TYW1: variants seen among roughly 807,000 people sequenced by gnomAD.
The protein encoded by TYW1 is tRNA-yW synthesizing protein 1 homolog, also known as S-adenosyl-L-methionine-dependent tRNA 4-demethylwyosine synthase TYW1.
A neutral mutation model predicts 96.2 loss-of-function variants in TYW1; 46 were observed. That is an observed-to-expected ratio of 0.48 (90% CI 0.38 to 0.61). TYW1 has a LOEUF of 0.61. TYW1 is among the 20% of genes least tolerant of loss of function. The pLI, the probability that TYW1 is intolerant of heterozygous loss-of-function variation, is 0.00. For synonymous variants in TYW1, 274 were observed against 323.0 expected (o/e 0.85, Z 1.63); for missense variants, 684 against 909.6 (o/e 0.75, Z 3.19).
intron 10 of TYW1, among the ~76,000 whole-genome samples, chr7:67,071,921 C>T (rs1255768740): frequency 4.6e-5 from 7 of 151,618 alleles, no homozygotes; most frequent in African/African-American, 1.7e-4. Flanking sequence ...CATACCCGGC[C>T]TGGAACACTC....
intron 10 of TYW1, among the ~76,000 whole-genome samples, chr7:67,074,212 A>G (rs796369944): frequency 3.3e-5 from 5 of 152,314 alleles, no homozygotes; most frequent in African/African-American, 9.6e-5. Context: ...TGTAGACTGA[A>G]GTATTGGGAT....
chr7:67,043,316 CT>C (rs930836217), intron 7 of TYW1, among the ~76,000 whole-genome samples: 5 of 148,344 alleles, frequency 3.4e-5, no homozygotes, highest in African/African-American at 1.2e-4. Flanking sequence ...TTTATTTTCT[CT>C]TTCTCTTATG....
chr7:67,166,544 T>G (rs1010312267), intron 13 of TYW1, among the ~76,000 whole-genome samples: 2 of 79,924 alleles, frequency 2.5e-5, no homozygotes, highest in Non-Finnish European at 2.6e-5. Context: ...GCCCCTCCCC[T>G]CTCTAAAAAT....
At chr7:67,065,982 C>G (rs1388198049) in intron 9 of TYW1, among the ~76,000 whole-genome samples, 1 of 148,800 alleles carries the variant, frequency 6.7e-6, no homozygotes, top group Non-Finnish European at 1.5e-5. Context: ...TGCACTCCAG[C>G]CTAGGTGACA....
chr7:67,040,800 C>T (rs534113421), intron 7 of TYW1, among the ~76,000 whole-genome samples: 1 of 151,812 alleles, frequency 6.6e-6, no homozygotes, highest in South Asian at 2.1e-4. Context: ...GCCGAGATCA[C>T]GCCACTGCAC....
chr7:67,073,646 C>A (rs538358536), intron 10 of TYW1, among the ~76,000 whole-genome samples: 32 of 150,444 alleles, frequency 2.1e-4, no homozygotes, highest in Non-Finnish European at 3.3e-4. Flanking sequence ...TGGTGGCAGG[C>A]GCCTGTAATC....
chr7:67,050,202 T>C (rs1795312204), intron 8 of TYW1, 136 bp downstream of exon 8: 1 of 1,077,448 alleles, frequency 9.3e-7, no homozygotes, highest in Admixed American at 2.6e-5. Flanking sequence ...GATTTACCTT[T>C]TTATTTCTGC....
chr7:67,114,796 A>G (rs1236477801), intron 12 of TYW1, among the ~76,000 whole-genome samples: 1 of 152,044 alleles, frequency 6.6e-6, no homozygotes. Context: ...AAGATCCCTA[A>G]AGCTCAGAAA....
intron 13 of TYW1, among the ~76,000 whole-genome samples, chr7:67,167,124 A>G (rs1044542192): frequency 2.6e-5 from 4 of 152,252 alleles, no homozygotes; most frequent in South Asian, 2.1e-4. Context: ...GCCAACTTCA[A>G]TGTAGTCAGT....
chr7:67,126,841 G>C (rs896311017), intron 13 of TYW1, among the ~76,000 whole-genome samples: 1 of 152,060 alleles, frequency 6.6e-6, no homozygotes, highest in Non-Finnish European at 1.5e-5. Context: ...GTCTGTTCTT[G>C]CAACAATATC....
chr7:67,150,051 G>C (rs1458510257), intron 13 of TYW1, among the ~76,000 whole-genome samples: 1 of 150,906 alleles, frequency 6.6e-6, no homozygotes, highest in Non-Finnish European at 1.5e-5. Context: ...AAAATATCTG[G>C]TAGACTCTGA....
chr7:67,029,405 G>GTA (rs1277791560), intron 7 of TYW1, among the ~76,000 whole-genome samples: 13,939 of 88,004 alleles, frequency 0.16, 722 homozygotes, highest in African/African-American at 0.18. Flanking sequence ...GTGTGTGTGT[G>GTA]TGTGTGTGTG....
intron 13 of TYW1, among the ~76,000 whole-genome samples, chr7:67,151,921 C>G (rs1441916870): frequency 1.3e-5 from 2 of 152,166 alleles, no homozygotes; most frequent in African/African-American, 4.8e-5. Flanking sequence ...ATCCTCCCAC[C>G]TCAGCCTCCC....
intron 12 of TYW1, among the ~76,000 whole-genome samples, chr7:67,099,223 G>A (rs1280556709): frequency 6.6e-6 from 1 of 151,936 alleles, no homozygotes; most frequent in Non-Finnish European, 1.5e-5. Flanking sequence ...ATAGAGATGG[G>A]CTTTCACCAT....
chr7:67,034,159 A>G (rs1036022566), intron 7 of TYW1, among the ~76,000 whole-genome samples: 1 of 148,864 alleles, frequency 6.7e-6, no homozygotes, highest in Non-Finnish European at 1.5e-5. Flanking sequence ...GCCGGAGTGC[A>G]GTGATGCGAT....
chr7:67,080,575 T>G (rs1796353732), intron 10 of TYW1, among the ~76,000 whole-genome samples: 1 of 152,068 alleles, frequency 6.6e-6, no homozygotes, highest in Non-Finnish European at 1.5e-5. Flanking sequence ...AATTTTTGTA[T>G]TTTTAGTAGA....
At chr7:67,001,338 G>A (rs1370192428) in intron 3 of TYW1, among the ~76,000 whole-genome samples, 1 of 151,964 alleles carries the variant, frequency 6.6e-6, no homozygotes, top group Non-Finnish European at 1.5e-5. Context: ...TATCATAGTT[G>A]ATTTTGGGGT....
chr7:67,217,846 C>CTTTTTTTTT (rs57748332), intron 15 of TYW1, among the ~76,000 whole-genome samples: 2 of 69,234 alleles, frequency 2.9e-5, no homozygotes, highest in East Asian at 4.6e-4. Flanking sequence ...GTGTTGATGT[C>CTTTTTTTTT]TTTTTTTTTT....
chr7:67,021,457 G>C (rs1197042543), intron 6 of TYW1, among the ~76,000 whole-genome samples: 3 of 152,266 alleles, frequency 2.0e-5, no homozygotes, highest in Non-Finnish European at 4.4e-5. Context: ...GTTCCCACAT[G>C]TCTTTCCCTG....
Sources: allele counts gnomAD v4.1 joint callset (sites outside exome capture counted in the v4.1 genomes callset), GRCh38; gene constraint gnomAD v4.1.1; transcripts MANE v1.5; gene names NCBI Gene and HGNC (gene_info 2026-07-23, HGNC 2026-07-21).